TMEM135: variants seen among roughly 807,000 people sequenced by gnomAD.
TMEM135 encodes peroxisomal membrane protein 52.
TMEM135 carries 30 observed loss-of-function variants against 60.3 expected under a neutral mutation model. The observed-to-expected ratio is 0.50, with a 90% CI of 0.37 to 0.68. TMEM135 has a LOEUF of 0.68. TMEM135 is among the 30% of genes least tolerant of loss of function. The probability of loss-of-function intolerance (pLI) is 0.00; values close to 1 mark genes in which losing one functional copy is unlikely to be tolerated. For missense variants in TMEM135, 468 were observed against 548.8 expected, an observed-to-expected ratio of 0.85 and a Z score of 1.47; for synonymous variants, 190 against 186.7, an observed-to-expected ratio of 1.02 and a Z score of -0.14.
At chr11:87,277,835 A>C (rs1941996073) in intron 6 of TMEM135, among the ~76,000 whole-genome samples, 1 of 152,136 alleles carries the variant, frequency 6.6e-6, no homozygotes, top group Non-Finnish European at 1.5e-5. Context: ...TCTTAACATA[A>C]AATGTTACTT....
chr11:87,258,784 C>A, intron 6 of TMEM135: 1 of 520,754 alleles, frequency 1.9e-6, no homozygotes. Context: ...AAATAATCAG[C>A]AGTTCAAACA....
chr11:87,112,081 A>C (rs1208082795), intron 4 of TMEM135, among the ~76,000 whole-genome samples: 2 of 152,106 alleles, frequency 1.3e-5, no homozygotes, highest in Non-Finnish European at 2.9e-5. Context: ...ATAGAGCATG[A>C]TTGTTTTATT....
At position 87,304,834 on chromosome 11, in the gene TMEM135, T is replaced by G. The variant is rs116678914; in HGVS notation, c.699-1102T>G. Among the ~76,000 whole-genome samples, 407 of 152,310 alleles carry G rather than the reference T, an allele frequency of 2.7e-3. 3 individuals are homozygous for G. Among genetic ancestry groups the G allele is most frequent in the African/African-American group, 9.5e-3 (394 of 41,564 alleles). ...TCTGAAAGAAGTTATAAAGACCGCT[T>G]ATTTTGGAACATGAACCCTCAAAGA... is the stretch of plus-strand genomic sequence containing the variant. On this transcript the variant is annotated intron_variant, in intron 8 of 14. Transcript: ENST00000305494.
At chr11:87,078,334 A>G (rs1396092353) in intron 3 of TMEM135, among the ~76,000 whole-genome samples, 1 of 152,318 alleles carries the variant, frequency 6.6e-6, no homozygotes, top group Non-Finnish European at 1.5e-5. Context: ...AATGATATTG[A>G]GCATCTTTTC....
intron 5 of TMEM135, among the ~76,000 whole-genome samples, chr11:87,182,478 T>A (rs1214564215): frequency 6.6e-6 from 1 of 152,096 alleles, no homozygotes; most frequent in Admixed American, 6.6e-5. Context: ...TGATGAGAAA[T>A]ATGTGTTTGT....
intron 5 of TMEM135, among the ~76,000 whole-genome samples, chr11:87,225,886 G>C (rs909059483): frequency 2.0e-5 from 3 of 152,000 alleles, no homozygotes; most frequent in African/African-American, 7.2e-5. Flanking sequence ...CTTGTCTAGT[G>C]CCTGGCACCA....
chr11:87,321,883 C>T lies in TMEM135; in HGVS notation c.*550C>T, dbSNP rs951244517. On this transcript the variant is annotated 3_prime_UTR_variant, in exon 15 of 15. Coordinates refer to ENST00000305494, the MANE Select transcript of TMEM135 (RefSeq NM_022918.4). ...AGAGCAATTTAATTGGAGAAGTGGCCATTCTTACTTCAGGGATGCAAAGAT... is the reference window on the plus strand; with the variant it reads ...AGAGCAATTTAATTGGAGAAGTGGCTATTCTTACTTCAGGGATGCAAAGAT... The T allele has an allele frequency of 2.2e-6, 1 of 454,206 alleles. No individual in the cohort carries two copies. The highest frequency in any genetic ancestry group is 1.6e-5 in the South Asian group (1 of 64,450). The allele number at this position is 454,206 out of a possible 1,614,324, so 28.1% of individuals were successfully genotyped here.
At chr11:87,298,804 A>AAAAAAAC (rs1942394480) in intron 7 of TMEM135, among the ~76,000 whole-genome samples, 1 of 137,922 alleles carries the variant, frequency 7.3e-6, no homozygotes, top group Non-Finnish European at 1.6e-5. Flanking sequence ...AAAAAAAAAA[A>AAAAAAAC]CAGCCGGGCA....
chr11:87,210,171 T>C (rs563092453), intron 5 of TMEM135, among the ~76,000 whole-genome samples: 1 of 152,200 alleles, frequency 6.6e-6, no homozygotes, highest in Non-Finnish European at 1.5e-5. Context: ...AAATTAGAGC[T>C]GAACTGAATG....
chr11:87,199,883 T>A (rs1488004198), intron 5 of TMEM135, among the ~76,000 whole-genome samples: 1 of 152,142 alleles, frequency 6.6e-6, no homozygotes, highest in Non-Finnish European at 1.5e-5. Flanking sequence ...TGAATCGAGA[T>A]CATGCCACTG....
intron 3 of TMEM135, among the ~76,000 whole-genome samples, chr11:87,079,843 C>CT (rs139184730): frequency 0.01 from 1,094 of 107,906 alleles, 10 homozygotes; most frequent in African/African-American, 0.019. Flanking sequence ...CTTTTCTTTT[C>CT]TTTTTTTTTT....
intron 4 of TMEM135, among the ~76,000 whole-genome samples, chr11:87,104,309 C>T (rs981006580): frequency 6.6e-6 from 1 of 152,010 alleles, no homozygotes; most frequent in Non-Finnish European, 1.5e-5. Context: ...TTTTTTATGA[C>T]AGTACAATGC....
intron 1 of TMEM135, among the ~76,000 whole-genome samples, chr11:87,043,041 C>T (rs924067423): frequency 1.4e-5 from 2 of 147,382 alleles, no homozygotes; most frequent in African/African-American, 2.5e-5. Flanking sequence ...CTACAACCTC[C>T]GCCTCCCAGG....
Position 87,325,002 on chromosome 11 carries a change from G to A in TMEM135, c.*3669G>A, listed in dbSNP as rs776837191. On this transcript the variant is annotated 3_prime_UTR_variant, in exon 15 of 15. Transcript: ENST00000305494. ...GATGAGTAATAAGGTTACCTTCATT[G>A]TGGAGGTGATGTTTACAATTGCCTC... The A allele has an allele frequency of 1.3e-5, 6 of 453,946 alleles. No individual in the cohort carries two copies. The highest frequency in any genetic ancestry group is 9.3e-5 in the South Asian group (6 of 64,466). The allele number at this position is 453,946 out of a possible 1,614,324, so 28.1% of individuals were successfully genotyped here. A position where few individuals can be genotyped will look rare whatever the true frequency, so the allele number is the denominator to read the frequency against.
chr11:87,280,477 A>C (rs2135419734), intron 6 of TMEM135, among the ~76,000 whole-genome samples: 1 of 152,180 alleles, frequency 6.6e-6, no homozygotes, highest in East Asian at 1.9e-4. Context: ...CAGTTCTCAG[A>C]ATATCCAGTG....
chr11:87,276,212 A>G (rs1319782667), intron 6 of TMEM135, among the ~76,000 whole-genome samples: 1 of 152,164 alleles, frequency 6.6e-6, no homozygotes, highest in Non-Finnish European at 1.5e-5. Context: ...TATTATAAAC[A>G]TTTAATCCTC....
chr11:87,122,309 GT>G (rs11367827), intron 4 of TMEM135, among the ~76,000 whole-genome samples: 34,442 of 110,178 alleles, frequency 0.31, 3,471 homozygotes, highest in East Asian at 0.53. Context: ...GTTTTGCTAG[GT>G]TTTTTTTTTT....
At chr11:87,138,121 C>T (rs929015756) in intron 4 of TMEM135, among the ~76,000 whole-genome samples, 10 of 141,594 alleles carry the variant, frequency 7.1e-5, no homozygotes, top group African/African-American at 2.1e-4. Flanking sequence ...GACTGAGTCT[C>T]GCTCTGTCAC....
At chr11:87,045,782 A>C (rs1383964286) in intron 1 of TMEM135, among the ~76,000 whole-genome samples, 2 of 152,226 alleles carry the variant, frequency 1.3e-5, no homozygotes, top group African/African-American at 4.8e-5. Context: ...GCCAATAAAT[A>C]TTGATGAAAT....
Sources: allele counts gnomAD v4.1 joint callset (sites outside exome capture counted in the v4.1 genomes callset), GRCh38; gene constraint gnomAD v4.1.1; transcripts MANE v1.5; gene names NCBI Gene and HGNC (gene_info 2026-07-23, HGNC 2026-07-21).